Variants in MACROH2A1 observed in about 807,000 individuals in gnomAD.
MACROH2A1 encodes core histone macro-H2A.1.
In MACROH2A1, 2 loss-of-function variants were observed where a neutral mutation model predicts 31.6. The observed-to-expected ratio is 0.06, with a 90% CI of 0.03 to 0.20. MACROH2A1 has a LOEUF of 0.20. MACROH2A1 is among the 10% of genes least tolerant of loss of function. MACROH2A1 has a pLI of 1.00. For synonymous variants in MACROH2A1, 169 were observed against 189.6 expected (o/e 0.89, Z 0.89); for missense variants, 230 against 474.0 (o/e 0.49, Z 4.78).
chr5:135,396,773 T>C (rs1768057274), intron 1 of MACROH2A1, among the ~76,000 whole-genome samples: 1 of 152,080 alleles, frequency 6.6e-6, no homozygotes, highest in African/African-American at 2.4e-5. Flanking sequence ...CACGGCTGTG[T>C]CCCCAGTGCC....
chr5:135,393,375 C>T (rs1218733721), intron 1 of MACROH2A1, among the ~76,000 whole-genome samples: 1 of 152,222 alleles, frequency 6.6e-6, no homozygotes, highest in East Asian at 1.9e-4. Context: ...TGGCTATTTA[C>T]TCAGAAGAAA....
At chr5:135,368,806 C>T (rs1763833301) in intron 4 of MACROH2A1, among the ~76,000 whole-genome samples, 1 of 152,184 alleles carries the variant, frequency 6.6e-6, no homozygotes, top group Admixed American at 6.5e-5. Flanking sequence ...AGTCTGCTGG[C>T]CTTCTCCACC....
chr5:135,337,293 AC>A (rs2091465025), intron 8 of MACROH2A1, among the ~76,000 whole-genome samples: 2 of 152,256 alleles, frequency 1.3e-5, no homozygotes, highest in Non-Finnish European at 2.9e-5. Context: ...GCTGTCTCCA[AC>A]AACGGTTAGC....
chr5:135,360,578 G>A lies in MACROH2A1; in HGVS notation c.507C>T (p.Ala169=), dbSNP rs1241921771. Residue 169 remains alanine (A), a synonymous_variant, in exon 5 of 9, where the codon GCC becomes GCT. Coordinates refer to ENST00000511689, the MANE Select transcript of MACROH2A1 (RefSeq NM_138610.3). ...KKKQGEVSKA[A]SADSTTEGTP... ...TGCCCTCGGTTGTGCTGTCGGCGCT[G>A]GCTGCCTTACTGACTTCACCCTGCT... 6.2e-7 allele frequency: 1 copy of A among 1,613,820 alleles called. No homozygotes were observed. The highest frequency in any genetic ancestry group is 8.5e-7 in the Non-Finnish European group (1 of 1,179,820).
intron 5 of MACROH2A1, chr5:135,359,958 C>T: frequency 4.2e-6 from 4 of 952,902 alleles, no homozygotes; most frequent in Non-Finnish European, 5.0e-6. Context: ...AATATATTGC[C>T]CATGGTTAAA....
intron 2 of MACROH2A1, among the ~76,000 whole-genome samples, chr5:135,382,131 G>A (rs561764849): frequency 2.0e-5 from 3 of 152,306 alleles, no homozygotes; most frequent in Admixed American, 2.0e-4. Flanking sequence ...AGGTTTTGTG[G>A]TGCTGTGTGC....
chr5:135,342,504 G>T (rs1185260846), intron 8 of MACROH2A1, among the ~76,000 whole-genome samples: 2 of 152,188 alleles, frequency 1.3e-5, no homozygotes, highest in African/African-American at 4.8e-5. Context: ...TGTGGGGGTT[G>T]CCCTGAGCCC....
intron 2 of MACROH2A1, among the ~76,000 whole-genome samples, chr5:135,375,146 TA>T (rs1223137708): frequency 2.0e-5 from 3 of 152,344 alleles, no homozygotes; most frequent in Middle Eastern, 3.4e-3. Context: ...TCAAAACACA[TA>T]AGCCTCTGGT....
intron 5 of MACROH2A1, chr5:135,358,275 C>T: frequency 2.0e-6 from 2 of 985,274 alleles, no homozygotes; most frequent in Non-Finnish European, 1.2e-6. Flanking sequence ...GTGTAGGATT[C>T]CAGAAAGGGC....
At chr5:135,358,181 G>A in intron 5 of MACROH2A1, 1 of 985,086 alleles carries the variant, frequency 1.0e-6, no homozygotes, top group African/African-American at 1.7e-5. Context: ...TCACCTGACA[G>A]TAATAGCCAA....
At chr5:135,340,699 C>CTGTT (rs1160186013) in intron 8 of MACROH2A1, among the ~76,000 whole-genome samples, 22 of 152,242 alleles carry the variant, frequency 1.4e-4, no homozygotes, top group Non-Finnish European at 2.4e-4. Context: ...TACCTTTATA[C>CTGTT]TGTTTTAATT....
rs1209924820 is a variant in MACROH2A1, at chr5:135,343,298, C to T, written c.915G>A (p.Lys305=). Residue 305 remains lysine (K), a synonymous_variant, in exon 8 of 9, where the codon AAG becomes AAA. Transcript: ENST00000511689. ...TGGATGGAAATGCAATGGATTTCAG[C>T]TTCTTATCATCAGCCAGGGCCAAGC... The part of the protein sequence containing the change: ...KNCLALADDK[K]LKSIAFPSIG... 1.9e-6 allele frequency: 3 copies of T among 1,614,214 alleles called. No individual in the cohort carries two copies. The South Asian group carries it at 3.3e-5, about 18-fold the overall frequency.
intron 5 of MACROH2A1, chr5:135,359,535 G>A (rs1323629531): frequency 4.1e-6 from 4 of 984,578 alleles, no homozygotes; most frequent in Non-Finnish European, 4.8e-6. Flanking sequence ...TCCACCACAG[G>A]AATTGCATCA....
intron 2 of MACROH2A1, among the ~76,000 whole-genome samples, chr5:135,378,466 T>A (rs1195546091): frequency 6.6e-6 from 1 of 152,246 alleles, no homozygotes; most frequent in Non-Finnish European, 1.5e-5. Context: ...GCCACAGGAA[T>A]GTCTCTGGCA....
At chr5:135,364,586 T>C (rs1447295109) in intron 4 of MACROH2A1, among the ~76,000 whole-genome samples, 3 of 152,228 alleles carry the variant, frequency 2.0e-5, no homozygotes, top group Non-Finnish European at 2.9e-5. Context: ...TTTCCATGTA[T>C]TGGACACTCG....
chr5:135,395,288 G>A (rs1467553970), intron 1 of MACROH2A1, among the ~76,000 whole-genome samples: 1 of 152,124 alleles, frequency 6.6e-6, no homozygotes, highest in Non-Finnish European at 1.5e-5. Context: ...GAAACCGCTG[G>A]AATAGTCAAT....
chr5:135,367,816 G>T (rs1420026142), intron 4 of MACROH2A1, among the ~76,000 whole-genome samples: 7 of 152,208 alleles, frequency 4.6e-5, no homozygotes, highest in African/African-American at 1.7e-4. Context: ...CAGTATCTTC[G>T]TTGCCTTTTT....
At position 135,370,773 on chromosome 5, in the gene MACROH2A1, C is replaced by T. The variant is rs115318090; in HGVS notation, c.173-631G>A. On this transcript the variant is annotated intron_variant, in intron 2 of 8. Coordinates refer to ENST00000511689, the MANE Select transcript of MACROH2A1 (RefSeq NM_138610.3). ...TGTAAAAGCCAAATATAATGTGTCA[C>T]TCCTTGATGAAATTCTGATTCTTTT... Among the ~76,000 whole-genome samples, 467 of 152,330 alleles carry T rather than the reference C, an allele frequency of 3.1e-3. 4 individuals carry two copies. Among genetic ancestry groups the T allele is most frequent in the African/African-American group, 0.011 (443 of 41,574 alleles).
rs550436184 is a variant in MACROH2A1, at chr5:135,343,585, T to C, written c.779-151A>G. The C allele has an allele frequency of 8.1e-6, 10 of 1,235,732 alleles. No homozygotes were observed. In the South Asian group the frequency reaches 1.2e-4, roughly 15 times the overall value. 76.5% of individuals were successfully genotyped at this position (1,235,732 alleles called of 1,614,324 possible). On this transcript the variant is annotated intron_variant, in intron 7 of 8. Transcript: ENST00000511689. ...GGAGTTCCACAGCTGTCTGCTGCGT[T>C]GTGATTCCAACGTGAGCTGGAGCCA...
Sources: gnomAD v4.1 joint callset for allele counts (sites outside exome capture counted in the v4.1 genomes callset) on GRCh38, gnomAD v4.1.1 for gene constraint, MANE v1.5 for transcripts, NCBI Gene and HGNC (gene_info 2026-07-23, HGNC 2026-07-21) for gene names.